TTLL11: variants seen among roughly 807,000 people sequenced by gnomAD.
The protein encoded by TTLL11 is tubulin polyglutamylase TTLL11.
TTLL11 carries 42 observed loss-of-function variants against 51.7 expected under a neutral mutation model. The ratio of observed to expected loss-of-function variants is 0.81; its 90% CI spans 0.64 to 1.05. The LOEUF is 1.05. TTLL11 is among the 50% of genes least tolerant of loss of function. TTLL11 has a pLI of 0.00. For missense variants in TTLL11, 799 were observed against 940.4 expected (o/e 0.85, Z 1.97); for synonymous variants, 381 against 383.5 (o/e 0.99, Z 0.08).
chr9:121,977,676 ATTTT>A (rs56249470), intron 4 of TTLL11, among the ~76,000 whole-genome samples: 1 of 136,520 alleles, frequency 7.3e-6, no homozygotes, highest in African/African-American at 2.7e-5. Flanking sequence ...ATTTAATTTA[ATTTT>A]TTTTTTTTTT....
intron 7 of TTLL11, among the ~76,000 whole-genome samples, chr9:121,865,079 C>T (rs1007402588): frequency 6.6e-6 from 1 of 152,114 alleles, no homozygotes; most frequent in African/African-American, 2.4e-5. Flanking sequence ...AAATGTATGA[C>T]TTCGAAAGGC....
intron 7 of TTLL11, among the ~76,000 whole-genome samples, chr9:121,867,061 CATTTTAGGA>C (rs1287321783): frequency 2.6e-5 from 4 of 152,302 alleles, no homozygotes; most frequent in African/African-American, 7.2e-5. Flanking sequence ...AATCTGAGAG[CATTTTAGGA>C]ATCTTCTTGG....
intron 6 of TTLL11, among the ~76,000 whole-genome samples, chr9:121,903,307 G>A (rs1349570027): frequency 6.6e-6 from 1 of 152,188 alleles, no homozygotes; most frequent in Non-Finnish European, 1.5e-5. Flanking sequence ...CTGCCGTACT[G>A]CTTTTTGCTC....
intron 3 of TTLL11, among the ~76,000 whole-genome samples, chr9:122,009,290 C>T (rs1292606441): frequency 6.6e-6 from 1 of 151,942 alleles, no homozygotes; most frequent in Non-Finnish European, 1.5e-5. Flanking sequence ...ACATGTTGTA[C>T]ATGATAAATA....
chr9:121,914,966 C>T (rs1341817735), intron 6 of TTLL11, among the ~76,000 whole-genome samples: 4 of 152,138 alleles, frequency 2.6e-5, no homozygotes, highest in East Asian at 1.9e-4. Flanking sequence ...GCCTCTAACC[C>T]GCTCTCCACA....
chr9:122,080,346 G>T (rs1228034696), intron 1 of TTLL11, among the ~76,000 whole-genome samples: 1 of 152,094 alleles, frequency 6.6e-6, no homozygotes, highest in Non-Finnish European at 1.5e-5. Context: ...TGTATATTCC[G>T]TGTGGTCTAA....
At chr9:122,039,861 A>ATCTCTCTCTC (rs145587739) in intron 1 of TTLL11, among the ~76,000 whole-genome samples, 3 of 147,722 alleles carry the variant, frequency 2.0e-5, no homozygotes, top group African/African-American at 7.4e-5. Context: ...CTCTTCCCTT[A>ATCTCTCTCTC]TCTCTCTCTC....
At chr9:122,005,465 A>G (rs1408301808) in intron 3 of TTLL11, among the ~76,000 whole-genome samples, 2 of 152,158 alleles carry the variant, frequency 1.3e-5, no homozygotes, top group Non-Finnish European at 2.9e-5. Flanking sequence ...TCTCTAAAGA[A>G]CAAGGGTTAT....
At chr9:121,825,455 T>C (rs1588049482) in intron 8 of TTLL11, among the ~76,000 whole-genome samples, 1 of 152,210 alleles carries the variant, frequency 6.6e-6, no homozygotes, top group Admixed American at 6.5e-5. Context: ...ATCAATCACA[T>C]TGTTTAGTGC....
chr9:122,089,417 A>C (rs1267540261), intron 1 of TTLL11, among the ~76,000 whole-genome samples: 2 of 152,202 alleles, frequency 1.3e-5, no homozygotes, highest in Non-Finnish European at 2.9e-5. Flanking sequence ...GGCATAAGAA[A>C]GGTCATGTGT....
intron 8 of TTLL11, among the ~76,000 whole-genome samples, chr9:121,842,345 G>A (rs1837382944): frequency 6.6e-6 from 1 of 152,096 alleles, no homozygotes; most frequent in Non-Finnish European, 1.5e-5. Context: ...GCAGCTTCAA[G>A]TTCCTGGGCT....
chr9:122,079,026 T>C (rs1470845992), intron 1 of TTLL11, among the ~76,000 whole-genome samples: 1 of 152,246 alleles, frequency 6.6e-6, no homozygotes, highest in Non-Finnish European at 1.5e-5. Context: ...CTATTGTGAA[T>C]AATGCTACTA....
At chr9:121,997,676 A>G (rs1843318842) in intron 3 of TTLL11, among the ~76,000 whole-genome samples, 1 of 152,164 alleles carries the variant, frequency 6.6e-6, no homozygotes, top group African/African-American at 2.4e-5. Flanking sequence ...CTCTTATGGT[A>G]CTATTTTTAG....
At chr9:122,042,648 A>C (rs1844876648) in intron 1 of TTLL11, among the ~76,000 whole-genome samples, 1 of 152,242 alleles carries the variant, frequency 6.6e-6, no homozygotes, top group African/African-American at 2.4e-5. Flanking sequence ...CTGTATTCAT[A>C]ACTGCCAAAA....
intron 1 of TTLL11, among the ~76,000 whole-genome samples, chr9:122,091,457 G>A (rs1490119024): frequency 6.6e-6 from 1 of 152,194 alleles, no homozygotes; most frequent in Non-Finnish European, 1.5e-5. Flanking sequence ...CAGACACTTG[G>A]AGTCAAACTT....
intron 8 of TTLL11, among the ~76,000 whole-genome samples, chr9:121,837,920 T>C (rs1340519385): frequency 1.3e-5 from 2 of 152,306 alleles, no homozygotes; most frequent in South Asian, 2.1e-4. Context: ...CCCACGTCTG[T>C]TTCATCTCGC....
chr9:121,944,884 A>G (rs1412497448), intron 6 of TTLL11, among the ~76,000 whole-genome samples: 1 of 152,252 alleles, frequency 6.6e-6, no homozygotes, highest in African/African-American at 2.4e-5. Flanking sequence ...ATTTGCAAAG[A>G]ACCCACACTG....
intron 3 of TTLL11, among the ~76,000 whole-genome samples, chr9:122,016,986 G>A (rs1844006015): frequency 1.3e-5 from 2 of 152,144 alleles, no homozygotes; most frequent in Admixed American, 1.3e-4. Flanking sequence ...GCTTCCGCCT[G>A]GTGCCACCTG....
intron 3 of TTLL11, among the ~76,000 whole-genome samples, chr9:121,992,002 T>C (rs1843128988): frequency 6.6e-6 from 1 of 152,158 alleles, no homozygotes; most frequent in South Asian, 2.1e-4. Flanking sequence ...GAAGATCTCT[T>C]GTTCCTCCGC....
Sources: gnomAD v4.1 joint callset for allele counts (sites outside exome capture counted in the v4.1 genomes callset) on GRCh38, gnomAD v4.1.1 for gene constraint, MANE v1.5 for transcripts, NCBI Gene and HGNC (gene_info 2026-07-23, HGNC 2026-07-21) for gene names.